The following FOXN3 variants were observed in gnomAD, a reference collection of about 807,000 sequenced individuals.
FOXN3 encodes forkhead box N3, also known as forkhead box protein N3.
Under a neutral mutation model 38.4 loss-of-function variants are expected in FOXN3, and 7 were observed. The ratio of observed to expected loss-of-function variants is 0.18; its 90% confidence interval spans 0.10 to 0.34. The LOEUF (loss-of-function observed/expected upper bound fraction) is 0.34, where lower values mean the gene tolerates loss of function less well. Among genes scored for constraint, FOXN3 ranks in the 10% least tolerant of loss-of-function variants. FOXN3 has a pLI of 1.00. For synonymous variants in FOXN3, 230 were observed against 242.2 expected (o/e 0.95, Z 0.47); for missense variants, 456 against 613.4 (o/e 0.74, Z 2.71).
Position 89,417,227 on chromosome 14 carries a change from G to A in FOXN3, c.-371C>T, listed in dbSNP as rs1158597083. 1 of 146,432 alleles carries A rather than the reference G, an allele frequency of 6.8e-6. No individual in the cohort carries two copies. The highest frequency in any genetic ancestry group is 1.5e-5 in the Non-Finnish European group (1 of 65,904). 9.1% of individuals were successfully genotyped at this position (146,432 alleles called of 1,614,324 possible). On this transcript the variant is annotated 5_prime_UTR_variant, in exon 1 of 6. Coordinates refer to ENST00000557258, the MANE Select transcript of FOXN3 (RefSeq NM_005197.4). ...GTTTCCACTGCAAACAAAAAAAGGC[G>A]ACACATGACCAGGCAGGAGGAGGGG...
chr14:89,533,717 G>T (rs578020906), intron 1 of FOXN3, among the ~76,000 whole-genome samples: 3 of 142,466 alleles, frequency 2.1e-5, no homozygotes, highest in Non-Finnish European at 3.1e-5. Context: ...TAAGGTGAAA[G>T]CTTATTATCA....
intron 3 of FOXN3, among the ~76,000 whole-genome samples, chr14:89,319,366 C>A (rs1309412103): frequency 6.6e-6 from 1 of 151,996 alleles, no homozygotes; most frequent in African/African-American, 2.4e-5. Context: ...AGATGCAAGC[C>A]CCCACCCAGG....
chr14:89,311,540 C>A (rs530685379), intron 3 of FOXN3, among the ~76,000 whole-genome samples: 22 of 145,728 alleles, frequency 1.5e-4, no homozygotes, highest in African/African-American at 4.6e-4. Context: ...AAACTAGATA[C>A]CTGTGGCCGG....
At chr14:89,573,572 G>A (rs1895537673) in intron 1 of FOXN3, among the ~76,000 whole-genome samples, 1 of 152,176 alleles carries the variant, frequency 6.6e-6, no homozygotes, top group Admixed American at 6.5e-5. Context: ...TCCCGTTAAG[G>A]AAGAGAATGG....
chr14:89,180,671 C>G (rs772612927), intron 5 of FOXN3, 30 bp downstream of exon 5: 2 of 1,522,894 alleles, frequency 1.3e-6, no homozygotes, highest in South Asian at 2.5e-5. Context: ...ACTCCCCAGG[C>G]TGGCTCTGCC....
intron 1 of FOXN3, among the ~76,000 whole-genome samples, chr14:89,523,515 G>T (rs903880362): frequency 1.3e-5 from 2 of 152,102 alleles, no homozygotes; most frequent in East Asian, 1.9e-4. Context: ...GATCACAACA[G>T]AATCAAATTA....
At chr14:89,239,505 C>T (rs969885321) in intron 4 of FOXN3, among the ~76,000 whole-genome samples, 2 of 152,108 alleles carry the variant, frequency 1.3e-5, no homozygotes, top group African/African-American at 4.8e-5. Flanking sequence ...AGGTGCAAGG[C>T]CTGAAAGAAA....
chr14:89,507,152 C>T (rs1222066553), intron 1 of FOXN3, among the ~76,000 whole-genome samples: 1 of 146,936 alleles, frequency 6.8e-6, no homozygotes, highest in Admixed American at 6.8e-5. Context: ...AAAAAAGAAA[C>T]ACTGTCCCTG....
intron 1 of FOXN3, among the ~76,000 whole-genome samples, chr14:89,556,945 A>G (rs1166496655): frequency 1.3e-5 from 2 of 152,190 alleles, no homozygotes; most frequent in Non-Finnish European, 2.9e-5. Context: ...GAGGCAAAAC[A>G]CAATCAGAGC....
At chr14:89,167,795 C>T (rs1887279929) in intron 5 of FOXN3, among the ~76,000 whole-genome samples, 1 of 152,232 alleles carries the variant, frequency 6.6e-6, no homozygotes, top group Admixed American at 6.5e-5. Context: ...TGTGAGCAAT[C>T]AGGCAACTAG....
chr14:89,458,885 C>T (rs975448384), intron 1 of FOXN3, among the ~76,000 whole-genome samples: 4 of 152,204 alleles, frequency 2.6e-5, no homozygotes, highest in African/African-American at 9.7e-5. Flanking sequence ...TCCAGCTCCA[C>T]TCACAGCCAA....
At position 89,519,322 on chromosome 14, in the gene FOXN3, A is replaced by C. The variant is rs370684786; in HGVS notation, c.-15+99706T>G. On this transcript the variant is annotated intron_variant, in intron 1 of 6. Coordinates refer to the FOXN3 transcript ENST00000345097. ...ATTCTTGGAGGAGGGCTGAGGCAAG[A>C]GGTTTCTCTTCACACTGCCTCCCTC... 1.6e-3 allele frequency among the ~76,000 whole-genome samples: 243 copies of C among 152,270 alleles called. 2 individuals are homozygous for C. The highest frequency in any genetic ancestry group is 5.6e-3 in the African/African-American group (233 of 41,564).
chr14:89,545,546 TAGTC>T (rs893180484), intron 1 of FOXN3, among the ~76,000 whole-genome samples: 10 of 152,158 alleles, frequency 6.6e-5, no homozygotes, highest in African/African-American at 2.4e-4. Flanking sequence ...ATTACACCGT[TAGTC>T]AGTTTCCATG....
chr14:89,559,629 T>C (rs749524049), intron 1 of FOXN3, among the ~76,000 whole-genome samples: 1 of 151,984 alleles, frequency 6.6e-6, no homozygotes, highest in Admixed American at 6.6e-5. Context: ...TGAGCCAAGA[T>C]TGCGCCACTG....
At chr14:89,251,611 A>G (rs1286739768) in intron 4 of FOXN3, among the ~76,000 whole-genome samples, 2 of 152,368 alleles carry the variant, frequency 1.3e-5, no homozygotes, top group Non-Finnish European at 2.9e-5. Flanking sequence ...GCCTCCAAAT[A>G]TTAAGAGTAC....
chr14:89,326,868 C>G (rs541303019), intron 3 of FOXN3, among the ~76,000 whole-genome samples: 1 of 152,144 alleles, frequency 6.6e-6, no homozygotes, highest in Non-Finnish European at 1.5e-5. Context: ...AATATTTAGC[C>G]ACTACAACTC....
Position 89,231,058 on chromosome 14 carries a change from T to C in FOXN3, c.745+49892A>G, listed in dbSNP as rs140821318. ...ACCCATCTCACCTGTGACAGGCCAT[T>C]TATTACTTGATGAGGAGAAGCATGC... On this transcript the variant is annotated intron_variant, in intron 4 of 5. Transcript: ENST00000557258. Among the ~76,000 whole-genome samples, 207 of 152,218 alleles carry C rather than the reference T, an allele frequency of 1.4e-3. 1 individual carries two copies. The South Asian group carries it at 0.027, about 20-fold the overall frequency.
intron 4 of FOXN3, among the ~76,000 whole-genome samples, chr14:89,224,461 T>G (rs1884567713): frequency 6.6e-6 from 1 of 152,148 alleles, no homozygotes; most frequent in South Asian, 2.1e-4. Flanking sequence ...AAAGAGTAAA[T>G]ATCAGAATTA....
intron 3 of FOXN3, among the ~76,000 whole-genome samples, chr14:89,302,246 A>G (rs993395962): frequency 1.3e-5 from 2 of 152,246 alleles, no homozygotes; most frequent in African/African-American, 4.8e-5. Flanking sequence ...CTGAACTTCC[A>G]TGATAGCATT....
Sources: allele counts gnomAD v4.1 joint callset (sites outside exome capture counted in the v4.1 genomes callset), GRCh38; gene constraint gnomAD v4.1.1; transcripts MANE v1.5; gene names NCBI Gene and HGNC (gene_info 2026-07-23, HGNC 2026-07-21).